PTK2: variants seen among roughly 807,000 people sequenced by gnomAD.
The protein encoded by PTK2 is focal adhesion kinase 1.
In PTK2, 45 loss-of-function variants were observed where a neutral mutation model predicts 150.1. That is an observed-to-expected ratio of 0.30 (90% CI 0.24 to 0.38). The LOEUF is 0.38. Among genes scored for constraint, PTK2 ranks in the 10% least tolerant of loss-of-function variants. The probability of loss-of-function intolerance (pLI) is 1.00; values close to 1 mark genes in which losing one functional copy is unlikely to be tolerated. For missense variants in PTK2, 919 were observed against 1,307.3 expected, an observed-to-expected ratio of 0.70 and a Z score of 4.58; for synonymous variants, 432 against 449.2, an observed-to-expected ratio of 0.96 and a Z score of 0.48.
At chr8:140,898,503 AG>A (rs1459396853) in intron 2 of PTK2, among the ~76,000 whole-genome samples, 3 of 152,224 alleles carry the variant, frequency 2.0e-5, no homozygotes, top group Non-Finnish European at 4.4e-5. Flanking sequence ...AAACATATCA[AG>A]GGTTCTCAGT....
chr8:140,984,797 C>T (rs2100192715), intron 1 of PTK2, among the ~76,000 whole-genome samples: 1 of 152,110 alleles, frequency 6.6e-6, no homozygotes, highest in African/African-American at 2.4e-5. Context: ...GCTCAACTTA[C>T]TGACTTATCT....
At chr8:140,725,844 C>CAAAAAAAAAAAAAAAAAA (rs551800761) in intron 22 of PTK2, among the ~76,000 whole-genome samples, 1 of 69,910 alleles carries the variant, frequency 1.4e-5, no homozygotes, top group African/African-American at 5.1e-5. Flanking sequence ...CCTTGATATA[C>CAAAAAAAAAAAAAAAAAA]AAAAAAAAAA....
intron 1 of PTK2, among the ~76,000 whole-genome samples, chr8:140,952,426 AG>A (rs2100179828): frequency 6.6e-6 from 1 of 152,190 alleles, no homozygotes; most frequent in Non-Finnish European, 1.5e-5. Context: ...TATGAAGGAC[AG>A]GGGGACACAG....
intron 1 of PTK2, among the ~76,000 whole-genome samples, chr8:140,968,254 A>C (rs2100185994): frequency 2.0e-5 from 3 of 152,226 alleles, no homozygotes; most frequent in Non-Finnish European, 1.5e-5. Context: ...CAAATGACGA[A>C]TATAAACTGT....
At chr8:140,967,439 G>A (rs2154609550) in intron 1 of PTK2, among the ~76,000 whole-genome samples, 2 of 149,310 alleles carry the variant, frequency 1.3e-5, no homozygotes, top group Middle Eastern at 7.0e-3. Flanking sequence ...CTCAAACCCA[G>A]TATTTCTTTC....
At chr8:140,987,501 A>C (rs1569542945) in intron 1 of PTK2, among the ~76,000 whole-genome samples, 1 of 152,216 alleles carries the variant, frequency 6.6e-6, no homozygotes, top group East Asian at 1.9e-4. Context: ...AAATGCATAA[A>C]AGATTTAAAC....
chr8:140,844,834 T>C (rs979596729), intron 7 of PTK2, among the ~76,000 whole-genome samples: 1 of 152,198 alleles, frequency 6.6e-6, no homozygotes, highest in Non-Finnish European at 1.5e-5. Context: ...TTATCTTTCC[T>C]TTTTCATTTT....
At chr8:140,878,794 ATGTATTTTAGATGTACAATT>A (rs1481723147) in intron 4 of PTK2, among the ~76,000 whole-genome samples, 1 of 151,754 alleles carries the variant, frequency 6.6e-6, no homozygotes, top group Non-Finnish European at 1.5e-5. Context: ...CCTCTCACAA[ATGTATTTTAGATGTACAATT>A]TCCTAGTAAC....
At chr8:140,819,827 C>T (rs1388946738) in intron 8 of PTK2, among the ~76,000 whole-genome samples, 3 of 152,022 alleles carry the variant, frequency 2.0e-5, no homozygotes, top group Non-Finnish European at 2.9e-5. Context: ...AGTCCTTTTT[C>T]GCTTATTTGA....
At chr8:140,839,714 AG>A (rs2100121156) in intron 7 of PTK2, among the ~76,000 whole-genome samples, 1 of 152,226 alleles carries the variant, frequency 6.6e-6, no homozygotes, top group African/African-American at 2.4e-5. Flanking sequence ...ACAGAGAGAT[AG>A]AAAACACGAA....
chr8:140,761,179 T>C (rs749425703), exon 16 of PTK2: 2 of 1,608,400 alleles, frequency 1.2e-6, no homozygotes, highest in South Asian at 2.2e-5. Flanking sequence ...CTCATATAAA[T>C]GCCTTGATGT....
intron 8 of PTK2, chr8:140,821,343 C>G (rs1005781996): frequency 6.6e-6 from 1 of 152,272 alleles, no homozygotes; most frequent in Non-Finnish European, 1.5e-5. Flanking sequence ...CAAGAAAACA[C>G]TAGTGGCATG....
At chr8:140,675,359 T>A (rs961401157) in intron 28 of PTK2, 101 bp downstream of exon 31, 34 of 1,303,880 alleles carry the variant, frequency 2.6e-5, no homozygotes, top group Non-Finnish European at 3.7e-5. Flanking sequence ...GAGGAAAAAT[T>A]AACCATGAGG....
At chr8:140,861,957 T>C (rs981884083) in intron 5 of PTK2, among the ~76,000 whole-genome samples, 1 of 152,204 alleles carries the variant, frequency 6.6e-6, no homozygotes, top group Admixed American at 6.5e-5. Flanking sequence ...TTGGGTTTTA[T>C]AAAGACCGCT....
At chr8:140,820,491 T>A (rs1403870763) in intron 8 of PTK2, 4 of 152,040 alleles carry the variant, frequency 2.6e-5, no homozygotes, top group Non-Finnish European at 5.8e-5. Context: ...ACCCAAATAA[T>A]CCAGGCAGGA....
intron 2 of PTK2, among the ~76,000 whole-genome samples, chr8:140,918,191 GA>G (rs2100166056): frequency 6.6e-6 from 1 of 152,156 alleles, no homozygotes; most frequent in Non-Finnish European, 1.5e-5. Flanking sequence ...CGCCTGAGAG[GA>G]AGAGTTCGGG....
intron 17 of PTK2, chr8:140,747,204 A>G (rs2100059498): frequency 5.0e-6 from 1 of 201,076 alleles, no homozygotes; most frequent in South Asian, 9.1e-5. Context: ...TATTCTTTTG[A>G]AAACTCTTTC....
chr8:140,899,355 A>C (rs187507312), intron 2 of PTK2, among the ~76,000 whole-genome samples: 4 of 152,350 alleles, frequency 2.6e-5, no homozygotes, highest in Non-Finnish European at 4.4e-5. Flanking sequence ...TACTACAGAA[A>C]TACAAAGACT....
chr8:140,747,140 T>G, intron 17 of PTK2: 1 of 253,910 alleles, frequency 3.9e-6, no homozygotes, highest in East Asian at 1.0e-4. Flanking sequence ...TCTACCCGCC[T>G]TGGCCTCCCA....
Sources: allele counts gnomAD v4.1 joint callset (sites outside exome capture counted in the v4.1 genomes callset), GRCh38; gene constraint gnomAD v4.1.1; transcripts MANE v1.5; gene names NCBI Gene and HGNC (gene_info 2026-07-23, HGNC 2026-07-21).